Variants in NCKAP5 observed in about 807,000 individuals in gnomAD.
NCKAP5 encodes the protein NCK associated protein 5.
In NCKAP5, 92 loss-of-function variants were observed where a neutral mutation model predicts 167.0. The ratio of observed to expected loss-of-function variants is 0.55; its 90% CI spans 0.47 to 0.66. NCKAP5 has a LOEUF of 0.66. Ranked by LOEUF, NCKAP5 falls within the 30% of genes least tolerant of loss-of-function variation. The pLI, the probability that NCKAP5 is intolerant of heterozygous loss-of-function variation, is 0.00. For synonymous variants in NCKAP5, 891 were observed against 877.4 expected (o/e 1.02, Z -0.27); for missense variants, 2,378 against 2,315.0 (o/e 1.03, Z -0.56).
chr2:133,306,533 T>A (rs1477412239), intron 3 of NCKAP5, among the ~76,000 whole-genome samples: 1 of 152,230 alleles, frequency 6.6e-6, no homozygotes, highest in East Asian at 1.9e-4. Context: ...AGTTCTTTTT[T>A]AATGTTGAGA....
At chr2:133,182,332 A>G (rs561077346) in intron 5 of NCKAP5, among the ~76,000 whole-genome samples, 2 of 152,330 alleles carry the variant, frequency 1.3e-5, no homozygotes, top group East Asian at 1.9e-4. Context: ...TTCAATGCAC[A>G]TCTTTTCTGA....
intron 7 of NCKAP5, among the ~76,000 whole-genome samples, chr2:132,976,480 C>T (rs2149253456): frequency 6.7e-6 from 1 of 149,512 alleles, no homozygotes; most frequent in East Asian, 2.0e-4. Flanking sequence ...AGGAGAATTG[C>T]TTGAACCTGG....
intron 3 of NCKAP5, among the ~76,000 whole-genome samples, chr2:133,317,402 A>G (rs574200074): frequency 5.9e-5 from 9 of 152,220 alleles, no homozygotes; most frequent in South Asian, 2.1e-4. Flanking sequence ...AGCAAGTGGT[A>G]GGAGAGATTG....
rs1008733003 is a variant in NCKAP5, at chr2:133,351,428, G to A, written c.70-48318C>T. Among the ~76,000 whole-genome samples, 10 of 152,114 alleles carry A rather than the reference G, an allele frequency of 6.6e-5. No individual in the cohort carries two copies. The East Asian group carries it at 7.7e-4, about 12-fold the overall frequency. On this transcript the variant is annotated intron_variant, in intron 3 of 19. Coordinates refer to ENST00000409261, the MANE Select transcript of NCKAP5 (RefSeq NM_207363.3). ...TCATCTGTAAATAGTAGTGGTAGGA[G>A]TAATGGTAATAGTGTTAATAATAAA...
intron 5 of NCKAP5, among the ~76,000 whole-genome samples, chr2:133,147,815 A>C (rs2083254445): frequency 6.6e-6 from 1 of 152,066 alleles, no homozygotes; most frequent in Non-Finnish European, 1.5e-5. Flanking sequence ...TAAAATATCT[A>C]ATTTTTCCAA....
At chr2:133,639,892 G>A in the NCKAP5 span, among the ~76,000 whole-genome samples, 6 of 152,190 alleles carry the variant, frequency 3.9e-5, no homozygotes, top group Admixed American at 1.3e-4. Context: ...AATGCGGAAT[G>A]TCATAAGATA....
At chr2:132,987,585 G>A (rs1208755369) in intron 7 of NCKAP5, among the ~76,000 whole-genome samples, 3 of 152,042 alleles carry the variant, frequency 2.0e-5, no homozygotes, top group Non-Finnish European at 2.9e-5. Flanking sequence ...GCAGACTAAG[G>A]GATCAATGAC....
Position 132,994,227 on chromosome 2 carries a change from T to C in NCKAP5, c.354A>G (p.Thr118=). 3.2e-6 allele frequency: 5 copies of C among 1,583,620 alleles called. No homozygotes were observed. The South Asian group carries it at 4.7e-5, about 15-fold the overall frequency. ...LQQQFSRMEE[T]VRNLLQSQGS... The stretch of plus-strand genomic sequence containing the variant: ...CTTGACTCTGCAATAGATTTCGTAC[T>C]GTTTCTTCCATCCTGAGAAACAAAA... The change falls in exon 7 of 20, where the codon ACA becomes ACG. Residue 118 remains threonine (T), a synonymous_variant. Transcript: ENST00000409261.
chr2:133,338,008 C>T (rs567296301), intron 3 of NCKAP5, among the ~76,000 whole-genome samples: 2 of 152,250 alleles, frequency 1.3e-5, no homozygotes, highest in South Asian at 2.1e-4. Flanking sequence ...CAAGTACAAA[C>T]ATTTGAATCA....
At chr2:133,146,929 T>C (rs2083218228) in intron 5 of NCKAP5, among the ~76,000 whole-genome samples, 1 of 152,166 alleles carries the variant, frequency 6.6e-6, no homozygotes, top group African/African-American at 2.4e-5. Context: ...ACCTTGCATG[T>C]ATATATCCAT....
chr2:133,339,281 A>C (rs571185019), intron 3 of NCKAP5, among the ~76,000 whole-genome samples: 1 of 152,262 alleles, frequency 6.6e-6, no homozygotes, highest in African/African-American at 2.4e-5. Context: ...AGTTTATGGA[A>C]CTTTTTCTCT....
chr2:132,813,177 GT>G (rs1368756833), intron 11 of NCKAP5, among the ~76,000 whole-genome samples: 1 of 152,236 alleles, frequency 6.6e-6, no homozygotes, highest in East Asian at 1.9e-4. Context: ...ACAGAGGCAA[GT>G]TCAAGAGGGG....
chr2:133,315,516 A>G (rs183155381), intron 3 of NCKAP5, among the ~76,000 whole-genome samples: 26 of 152,212 alleles, frequency 1.7e-4, no homozygotes, highest in Non-Finnish European at 3.4e-4. Context: ...AGTGCTCAAG[A>G]ATTTTGGATT....
At chr2:133,323,580 C>T (rs1416521376) in intron 3 of NCKAP5, among the ~76,000 whole-genome samples, 2 of 152,262 alleles carry the variant, frequency 1.3e-5, no homozygotes, top group Admixed American at 6.5e-5. Flanking sequence ...ATACAAAATC[C>T]CTGCCCTTCA....
At chr2:132,948,438 C>T (rs1199790305) in intron 8 of NCKAP5, among the ~76,000 whole-genome samples, 2 of 152,250 alleles carry the variant, frequency 1.3e-5, no homozygotes, top group East Asian at 3.9e-4. Flanking sequence ...TAAGGACTCC[C>T]TGAAGCACAG....
rs1240498674 is a variant in NCKAP5 at position 132,782,216 on chromosome 2, A to G, written c.4595T>C (p.Val1532Ala). 6.2e-7 allele frequency: 1 copy of G among 1,613,152 alleles called. No homozygotes were observed. Among genetic ancestry groups the G allele is most frequent in the East Asian group, 2.2e-5 (1 of 44,860 alleles). ...CAAGACTTTTGCATCTTTCTTTTCT[A>G]CTTTGGTTTTGGAGATGTCCATTTT... ...SRKMDISKTK[V>A]EKKDAKVLGF... is the part of the protein sequence containing the mutation. Residue 1532 changes from valine to alanine, a missense_variant, in exon 14 of 20, where the codon GTA becomes GCA. Around this residue, in one of 3 missense-constraint regions of NCKAP5, gnomAD observed 1,325 missense variants for 1,274.5 expected, o/e 1.04. Coordinates refer to ENST00000409261, the MANE Select transcript of NCKAP5 (RefSeq NM_207363.3).
At chr2:133,251,062 AC>A (rs1182391805) in intron 4 of NCKAP5, among the ~76,000 whole-genome samples, 3 of 152,160 alleles carry the variant, frequency 2.0e-5, no homozygotes, top group Non-Finnish European at 4.4e-5. Flanking sequence ...CACACTGAAA[AC>A]ATTCTTTAAA....
rs142979445 is a variant in NCKAP5, at chr2:132,905,289, G to T, written c.580-26373C>A. ...ACTGTTAAATTTTGCAAGACTTATGGCAGCATGGCTTATTCTGTTTTATGG... is the reference window on the plus strand; with the variant it reads ...ACTGTTAAATTTTGCAAGACTTATGTCAGCATGGCTTATTCTGTTTTATGG... On this transcript the variant is annotated intron_variant, in intron 8 of 19. Transcript: ENST00000409261. 2.2e-3 allele frequency among the ~76,000 whole-genome samples: 336 copies of T among 152,190 alleles called. 1 individual carries two copies. The highest frequency in any genetic ancestry group is 3.2e-3 in the Non-Finnish European group (217 of 68,008).
intron 6 of NCKAP5, among the ~76,000 whole-genome samples, chr2:133,013,695 A>C (rs2078239069): frequency 6.6e-6 from 1 of 152,148 alleles, no homozygotes; most frequent in African/African-American, 2.4e-5. Flanking sequence ...CAAGCTCCTA[A>C]TTCAGGGACC....
Sources: gnomAD v4.1 joint callset for allele counts (sites outside exome capture counted in the v4.1 genomes callset) on GRCh38, gnomAD v4.1.1 for gene constraint, gnomAD v4.1.1 regional missense constraint, MANE v1.5 for transcripts, NCBI Gene and HGNC (gene_info 2026-07-23, HGNC 2026-07-21) for gene names.